Variants in ANAPC10 observed in about 807,000 individuals in gnomAD.
ANAPC10 encodes the protein anaphase promoting complex subunit 10.
Under a neutral mutation model 22.0 loss-of-function variants are expected in ANAPC10, and 12 were observed. The observed-to-expected ratio is 0.55, with a 90% CI of 0.35 to 0.88. ANAPC10 has a LOEUF of 0.88. Among genes scored for constraint, ANAPC10 ranks in the 40% least tolerant of loss-of-function variants. ANAPC10 has a pLI of 0.01. For synonymous variants in ANAPC10, 65 were observed against 69.5 expected (o/e 0.94, Z 0.32); for missense variants, 188 against 220.9 (o/e 0.85, Z 0.94).
chr4:145,005,175 T>A (rs544207633), intron 4 of ANAPC10, among the ~76,000 whole-genome samples: 2 of 152,210 alleles, frequency 1.3e-5, no homozygotes, highest in Admixed American at 1.3e-4. Context: ...CTCAGTCTCC[T>A]GTGTAGCTGG....
chr4:145,026,411 T>A (rs1029153073), intron 4 of ANAPC10, among the ~76,000 whole-genome samples: 1 of 151,128 alleles, frequency 6.6e-6, no homozygotes, highest in Non-Finnish European at 1.5e-5. Context: ...GTATAAAAAG[T>A]GCATGGGAAA....
chr4:145,057,367 A>G (rs1201545591), intron 4 of ANAPC10, among the ~76,000 whole-genome samples: 1 of 152,186 alleles, frequency 6.6e-6, no homozygotes, highest in East Asian at 1.9e-4. Context: ...ATCTGCCTAG[A>G]TAATCCTGAC....
At chr4:145,087,256 T>C (rs934303184) in intron 2 of ANAPC10, among the ~76,000 whole-genome samples, 1 of 152,130 alleles carries the variant, frequency 6.6e-6, no homozygotes, top group Admixed American at 6.5e-5. Flanking sequence ...ACTAGAGACA[T>C]ATTTGAGCAG....
intron 3 of ANAPC10, among the ~76,000 whole-genome samples, chr4:145,074,757 C>T (rs1744957485): frequency 6.6e-6 from 1 of 152,106 alleles, no homozygotes; most frequent in East Asian, 1.9e-4. Context: ...TGACAGGTAG[C>T]AACTATTACT....
chr4:145,001,919 T>TA (rs1732630001), intron 4 of ANAPC10, among the ~76,000 whole-genome samples: 1 of 151,972 alleles, frequency 6.6e-6, no homozygotes. Context: ...AAGCTTACAT[T>TA]AAAAAAAGGA....
In ANAPC10 at chr4:145,094,948, G is replaced by A. The variant is rs1050805993; in HGVS notation, c.115+1037C>T. 6.6e-5 allele frequency among the ~76,000 whole-genome samples: 10 copies of A among 152,028 alleles called. No individual in the cohort carries two copies. The South Asian group carries it at 8.3e-4, about 13-fold the overall frequency. ...AAGAGTAAAAGGAAAGTATTTTGGCGTATGTTATCACTCATTTATCCAATT... is the reference window on the plus strand; with the variant it reads ...AAGAGTAAAAGGAAAGTATTTTGGCATATGTTATCACTCATTTATCCAATT... On this transcript the variant is annotated intron_variant, in intron 2 of 4. Coordinates refer to ENST00000507656, the MANE Select transcript of ANAPC10 (RefSeq NM_001256706.2).
intron 4 of ANAPC10, chr4:145,053,786 A>C (rs540877649): frequency 1.5e-6 from 1 of 647,662 alleles, no homozygotes; most frequent in South Asian, 1.8e-5. Context: ...TGAGGCTGAA[A>C]AAAAAAAAAG....
chr4:145,071,038 T>C (rs1011777999), intron 3 of ANAPC10, among the ~76,000 whole-genome samples: 1 of 152,162 alleles, frequency 6.6e-6, no homozygotes, highest in African/African-American at 2.4e-5. Context: ...CACAGGATGA[T>C]GAAAAGTTCT....
intron 2 of ANAPC10, among the ~76,000 whole-genome samples, chr4:145,089,419 C>T (rs1224480361): frequency 4.6e-5 from 7 of 152,078 alleles, no homozygotes; most frequent in African/African-American, 1.2e-4. Context: ...AGCAGATGTA[C>T]TTATTTTTCC....
At chr4:145,087,322 A>G (rs2126630239) in intron 2 of ANAPC10, among the ~76,000 whole-genome samples, 1 of 152,270 alleles carries the variant, frequency 6.6e-6, no homozygotes, top group Non-Finnish European at 1.5e-5. Context: ...AAGCATATCT[A>G]TTAACACAAC....
At chr4:145,075,187 G>A (rs1318062955) in intron 3 of ANAPC10, among the ~76,000 whole-genome samples, 1 of 152,036 alleles carries the variant, frequency 6.6e-6, no homozygotes, top group Non-Finnish European at 1.5e-5. Flanking sequence ...ACATCACACT[G>A]TTAATTGAAA....
chr4:145,033,992 T>C (rs1227525039), intron 4 of ANAPC10, among the ~76,000 whole-genome samples: 2 of 152,214 alleles, frequency 1.3e-5, no homozygotes, highest in Non-Finnish European at 2.9e-5. Context: ...TATGTACTAG[T>C]ATTTGGGTTG....
intron 4 of ANAPC10, chr4:145,035,540 C>T (rs150617132): frequency 6.6e-6 from 1 of 152,380 alleles, no homozygotes; most frequent in Non-Finnish European, 1.5e-5. Flanking sequence ...TTCCTGCAGG[C>T]TCTCCAACTC....
intron 4 of ANAPC10, among the ~76,000 whole-genome samples, chr4:145,012,863 C>T (rs1333357164): frequency 6.6e-6 from 1 of 151,980 alleles, no homozygotes; most frequent in Admixed American, 6.6e-5. Flanking sequence ...AATTGTAATC[C>T]CCAATGATGG....
Position 144,994,967 on chromosome 4 carries a change from A to G in ANAPC10, c.*406T>C, listed in dbSNP as rs1170934829. 1 of 155,482 alleles carries G rather than the reference A, an allele frequency of 6.4e-6. No individual in the cohort carries two copies. The highest frequency in any genetic ancestry group is 6.4e-5 in the Admixed American group (1 of 15,728). The allele number at this position is 155,482 out of a possible 1,614,324, so 9.6% of individuals were successfully genotyped here. On this transcript the variant is annotated 3_prime_UTR_variant, in exon 5 of 5. Transcript: ENST00000507656. ...TTTTGACCTATTAAAGATGATATAT[A>G]TTGATAAAACACAGTCTTGTTCTCA...
At chr4:145,012,174 G>GTATATATATATATATATATATATA (rs201493778) in intron 4 of ANAPC10, among the ~76,000 whole-genome samples, 1 of 133,458 alleles carries the variant, frequency 7.5e-6, no homozygotes, top group East Asian at 2.2e-4. Context: ...ATGTGTGTGT[G>GTATATATATATATATATATATATA]TGTATATATA....
chr4:145,070,697 A>T (rs1033599198), intron 3 of ANAPC10, among the ~76,000 whole-genome samples: 1 of 152,238 alleles, frequency 6.6e-6, no homozygotes, highest in Admixed American at 6.5e-5. Context: ...TTGCACACCA[A>T]TGTTCATAAC....
At chr4:145,097,268 A>C in intron 1 of ANAPC10, 1 of 356,990 alleles carries the variant, frequency 2.8e-6, no homozygotes, top group East Asian at 7.4e-5. Context: ...ATAGAAGATA[A>C]GGTCAGGAAA....
At chr4:145,011,327 A>G (rs1419840844) in intron 4 of ANAPC10, among the ~76,000 whole-genome samples, 1 of 150,124 alleles carries the variant, frequency 6.7e-6, no homozygotes, top group Non-Finnish European at 1.5e-5. Flanking sequence ...ACAGAATGAG[A>G]CTGTCTTAAA....
Sources: gnomAD v4.1 joint callset for allele counts (sites outside exome capture counted in the v4.1 genomes callset) on GRCh38, gnomAD v4.1.1 for gene constraint, MANE v1.5 for transcripts, NCBI Gene and HGNC (gene_info 2026-07-23, HGNC 2026-07-21) for gene names.